The following DSCAML1 variants were observed in gnomAD, a reference collection of about 807,000 sequenced individuals.
The protein encoded by DSCAML1 is cell adhesion molecule DSCAML1.
In DSCAML1, 38 loss-of-function variants were observed where a neutral mutation model predicts 200.5. The observed-to-expected ratio is 0.19, with a 90% CI of 0.15 to 0.25. The LOEUF (loss-of-function observed/expected upper bound fraction) is 0.25, where lower values mean the gene tolerates loss of function less well. DSCAML1 is among the 10% of genes least tolerant of loss of function. The probability of loss-of-function intolerance (pLI) is 1.00; values close to 1 mark genes in which losing one functional copy is unlikely to be tolerated. For synonymous variants in DSCAML1, 1,215 were observed against 1,165.0 expected (o/e 1.04, Z -0.87); for missense variants, 2,223 against 2,858.8 (o/e 0.78, Z 5.07).
At chr11:117,535,151 C>T (rs193288353) in intron 3 of DSCAML1, among the ~76,000 whole-genome samples, 1 of 152,298 alleles carries the variant, frequency 6.6e-6, no homozygotes, top group East Asian at 1.9e-4. Context: ...CCAGCCTCAG[C>T]CTGCATCACC....
At position 117,489,934 on chromosome 11, in the gene DSCAML1, C is replaced by T. The variant is rs1012046450; in HGVS notation, c.2360-7772G>A. Among the ~76,000 whole-genome samples the T allele has an allele frequency of 1.3e-5, 2 of 152,212 alleles. No homozygotes were observed. Among genetic ancestry groups the T allele is most frequent in the African/African-American group, 4.8e-5 (2 of 41,448 alleles). On this transcript the variant is annotated intron_variant, in intron 11 of 32. Coordinates refer to ENST00000651296, the MANE Select transcript of DSCAML1 (RefSeq NM_020693.4). This position sits in a 1 kb window ranked among gnomAD's most constrained non-coding sequence, Gnocchi z 4.8. ...GGAGAGCTTTACTGGGTATCTTTGC[C>T]GTCCTCCTCCAGTGCCCCAGGGCAG...
chr11:117,805,434 AGT>A (rs1383473702), intron 1 of DSCAML1, among the ~76,000 whole-genome samples: 2 of 152,256 alleles, frequency 1.3e-5, no homozygotes, highest in African/African-American at 4.8e-5. Context: ...GCATTTCACA[AGT>A]GTTTCATGAG....
At chr11:117,604,764 A>G (rs2051531669) in intron 3 of DSCAML1, among the ~76,000 whole-genome samples, 1 of 152,144 alleles carries the variant, frequency 6.6e-6, no homozygotes, top group Non-Finnish European at 1.5e-5. Context: ...TTGTCCCAGG[A>G]GCCCGGGATG....
chr11:117,674,545 C>T (rs2053173345), intron 3 of DSCAML1, among the ~76,000 whole-genome samples: 1 of 152,166 alleles, frequency 6.6e-6, no homozygotes, highest in Non-Finnish European at 1.5e-5. Context: ...CAAGCCCTCT[C>T]ACTGGATATT....
At chr11:117,797,504 A>G (rs913464058), upstream of DSCAML1, among the ~76,000 whole-genome samples, 3 of 152,280 alleles carry the variant, frequency 2.0e-5, no homozygotes, top group Admixed American at 6.5e-5. Context: ...ACAGCCTGCC[A>G]TGCTTCAGCC....
intron 3 of DSCAML1, among the ~76,000 whole-genome samples, chr11:117,574,804 C>T (rs2050904678): frequency 1.3e-5 from 2 of 152,178 alleles, no homozygotes; most frequent in Non-Finnish European, 2.9e-5. Flanking sequence ...GTGCAAAGAG[C>T]AGTACTTAGA....
At position 117,489,573 on chromosome 11, in the gene DSCAML1, G is replaced by A. The variant is rs1029676182; in HGVS notation, c.2360-7411C>T. On this transcript the variant is annotated intron_variant, in intron 11 of 32. Transcript: ENST00000651296. This position sits in a 1 kb window ranked among gnomAD's most constrained non-coding sequence, Gnocchi z 4.8. ...CCTTCCTATACAGCAGCTTTAGGTG[G>A]GGTAGGGTCTTCTCTCTGAGACCCT... Among the ~76,000 whole-genome samples the A allele has an allele frequency of 2.0e-5, 3 of 152,154 alleles. No individual in the cohort carries two copies. Among genetic ancestry groups the A allele is most frequent in the Admixed American group, 6.5e-5 (1 of 15,284 alleles).
intron 3 of DSCAML1, among the ~76,000 whole-genome samples, chr11:117,618,521 C>T (rs1330124041): frequency 2.6e-5 from 4 of 152,180 alleles, no homozygotes; most frequent in Non-Finnish European, 4.4e-5. Flanking sequence ...ACAATGCCCA[C>T]TTCCTATAAC....
At chr11:117,509,501 T>C (rs2137287747) in intron 8 of DSCAML1, among the ~76,000 whole-genome samples, 1 of 152,234 alleles carries the variant, frequency 6.6e-6, no homozygotes, top group Middle Eastern at 3.4e-3. Context: ...CCAACCCTGC[T>C]TCTGGGGGAT....
At chr11:117,560,752 C>T (rs1194523353) in intron 3 of DSCAML1, among the ~76,000 whole-genome samples, 2 of 152,202 alleles carry the variant, frequency 1.3e-5, no homozygotes, top group Non-Finnish European at 2.9e-5. Context: ...GCCTGCCCAT[C>T]CCTGTTTTAG....
chr11:117,681,220 G>A (rs2053306617), intron 3 of DSCAML1, among the ~76,000 whole-genome samples: 1 of 152,152 alleles, frequency 6.6e-6, no homozygotes. Flanking sequence ...GGTCCAACAA[G>A]GCTTTTGGGG....
At chr11:117,514,800 T>C (rs1407738178) in intron 8 of DSCAML1, among the ~76,000 whole-genome samples, 2 of 152,212 alleles carry the variant, frequency 1.3e-5, no homozygotes, top group Non-Finnish European at 2.9e-5. Context: ...CAGGCTGGTC[T>C]CAAACTCCTG....
At position 117,465,003 on chromosome 11, in the gene DSCAML1, G is replaced by A; in HGVS notation, c.3204C>T (p.Ala1068=). 1.2e-6 allele frequency: 2 copies of A among 1,614,122 alleles called. No homozygotes were observed. The highest frequency in any genetic ancestry group is 8.5e-7 in the Non-Finnish European group (1 of 1,179,974). ...KFAQYGVVVQ[A]FNRAGTGPSS... is the part of the protein sequence containing the mutation. ...AGGGCCCCGTGCCAGCCCGATTGAAGGCTTGGACCACCACCCCATACTGGG... is the reference window on the plus strand; with the variant it reads ...AGGGCCCCGTGCCAGCCCGATTGAAAGCTTGGACCACCACCCCATACTGGG... The change falls in exon 17 of 33, where the codon GCC becomes GCT. Residue 1068 remains alanine, a synonymous_variant. Coordinates refer to ENST00000651296, the MANE Select transcript of DSCAML1 (RefSeq NM_020693.4).
At chr11:117,434,982 C>T (rs982551550) in intron 27 of DSCAML1, among the ~76,000 whole-genome samples, 3 of 152,194 alleles carry the variant, frequency 2.0e-5, no homozygotes, top group African/African-American at 7.2e-5. Flanking sequence ...ATGGCTTGGC[C>T]GTTCTTTATT....
chr11:117,786,970 C>T (rs1011425633), intron 1 of DSCAML1, among the ~76,000 whole-genome samples: 2 of 152,180 alleles, frequency 1.3e-5, no homozygotes, highest in African/African-American at 4.8e-5. Context: ...CAGGACCAAC[C>T]GGCCAGTAGG....
At chr11:117,751,721 A>G (rs1424268203) in intron 3 of DSCAML1, among the ~76,000 whole-genome samples, 1 of 152,132 alleles carries the variant, frequency 6.6e-6, no homozygotes, top group Admixed American at 6.5e-5. Context: ...TGGGGGAAAA[A>G]ATGGAGGCTC....
chr11:117,706,600 C>G (rs2053762285), intron 3 of DSCAML1, among the ~76,000 whole-genome samples: 1 of 152,198 alleles, frequency 6.6e-6, no homozygotes, highest in Non-Finnish European at 1.5e-5. Context: ...GAGGGAGACA[C>G]AGCCGTGCAA....
intron 3 of DSCAML1, among the ~76,000 whole-genome samples, chr11:117,540,627 T>C (rs1241830605): frequency 6.8e-6 from 1 of 147,338 alleles, no homozygotes; most frequent in Non-Finnish European, 1.5e-5. Flanking sequence ...GAGTGATAGG[T>C]GGGATTTGAA....
intron 3 of DSCAML1, among the ~76,000 whole-genome samples, chr11:117,686,675 AG>A (rs1311702610): frequency 6.6e-6 from 1 of 152,186 alleles, no homozygotes; most frequent in Admixed American, 6.5e-5. Context: ...CTGCATATAA[AG>A]GGAATCCAGA....
Sources: allele counts gnomAD v4.1 joint callset (sites outside exome capture counted in the v4.1 genomes callset), GRCh38; gene constraint gnomAD v4.1.1; non-coding constraint Gnocchi (gnomAD v3.1); transcripts MANE v1.5; gene names NCBI Gene and HGNC (gene_info 2026-07-23, HGNC 2026-07-21).